The following DCLK2 variants were observed in gnomAD, a reference collection of about 807,000 sequenced individuals.
DCLK2 encodes the protein doublecortin like kinase 2.
A neutral mutation model predicts 78.4 loss-of-function variants in DCLK2; 31 were observed. The ratio of observed to expected loss-of-function variants is 0.40; its 90% CI spans 0.30 to 0.53. The LOEUF (loss-of-function observed/expected upper bound fraction) is 0.53, where lower values mean the gene tolerates loss of function less well. DCLK2 is among the 20% of genes least tolerant of loss of function. The pLI is 0.61. For missense variants in DCLK2, 872 were observed against 973.7 expected, an observed-to-expected ratio of 0.90 and a Z score of 1.39; for synonymous variants, 407 against 374.9, an observed-to-expected ratio of 1.09 and a Z score of -0.99.
chr4:150,084,216 G>C (rs1374985117), intron 1 of DCLK2, among the ~76,000 whole-genome samples: 1 of 152,224 alleles, frequency 6.6e-6, no homozygotes, highest in African/African-American at 2.4e-5. Flanking sequence ...AGAGAAGCCT[G>C]AGGTCAGGGA....
intron 1 of DCLK2, among the ~76,000 whole-genome samples, chr4:150,088,318 A>C (rs957815094): frequency 6.6e-6 from 1 of 152,110 alleles, no homozygotes; most frequent in Non-Finnish European, 1.5e-5. Flanking sequence ...GTTTCTACCT[A>C]AATTTTACAA....
At chr4:150,213,857 C>T (rs1331974881) in intron 5 of DCLK2, among the ~76,000 whole-genome samples, 1 of 152,132 alleles carries the variant, frequency 6.6e-6, no homozygotes, top group African/African-American at 2.4e-5. Context: ...TTCTCATAAA[C>T]TTAGAGGATA....
intron 2 of DCLK2, among the ~76,000 whole-genome samples, chr4:150,167,141 T>A (rs893284198): frequency 6.6e-6 from 1 of 152,110 alleles, no homozygotes; most frequent in African/African-American, 2.4e-5. Flanking sequence ...GCTTTCCTGA[T>A]TTTAAGAGGG....
At chr4:150,157,574 G>A (rs1030592119) in intron 2 of DCLK2, among the ~76,000 whole-genome samples, 11 of 151,468 alleles carry the variant, frequency 7.3e-5, no homozygotes, top group South Asian at 2.1e-4. Flanking sequence ...GTGCAGTGGT[G>A]TGATCTCGGC....
intron 5 of DCLK2, among the ~76,000 whole-genome samples, chr4:150,211,355 A>C (rs918733195): frequency 6.6e-6 from 1 of 152,054 alleles, no homozygotes. Context: ...GAAGCTGTCC[A>C]TTCTGTGACC....
intron 4 of DCLK2, among the ~76,000 whole-genome samples, chr4:150,199,869 G>A (rs537156459): frequency 1.1e-4 from 16 of 152,282 alleles, no homozygotes; most frequent in Non-Finnish European, 1.9e-4. Context: ...AGCTGGGCAC[G>A]GAGGTACCAC....
intron 1 of DCLK2, among the ~76,000 whole-genome samples, chr4:150,092,081 A>G (rs1239737415): frequency 6.6e-6 from 1 of 151,940 alleles, no homozygotes; most frequent in Non-Finnish European, 1.5e-5. Flanking sequence ...TCTGTGGCTT[A>G]TTTCATTTAA....
chr4:150,203,981 G>A (rs1739651686), intron 5 of DCLK2, 92 bp downstream of exon 5: 1 of 1,170,592 alleles, frequency 8.5e-7, no homozygotes, highest in African/African-American at 1.5e-5. Context: ...CTTGAGTACA[G>A]TAGCAAATTA....
In DCLK2 at chr4:150,084,918, C is replaced by T. The variant is rs145150465; in HGVS notation, c.421+5470C>T. Among the ~76,000 whole-genome samples the T allele has an allele frequency of 1.7e-4, 26 of 152,230 alleles. No individual in the cohort carries two copies. The East Asian group carries it at 2.5e-3, about 15-fold the overall frequency. ...TTCTACTCGTAAAGTAAACCATTAC[C>T]GTAAGGATTAGAGATGCTTTTCTTC... On this transcript the variant is annotated intron_variant, in intron 1 of 15. Coordinates refer to ENST00000296550, the MANE Select transcript of DCLK2 (RefSeq NM_001040260.4).
chr4:150,176,911 C>T (rs1343543989), intron 2 of DCLK2, among the ~76,000 whole-genome samples: 1 of 152,168 alleles, frequency 6.6e-6, no homozygotes, highest in African/African-American at 2.4e-5. Context: ...TGGTCCCAGT[C>T]CCAGTTTAAT....
chr4:150,252,938 G>A (rs370461128), intron 15 of DCLK2, among the ~76,000 whole-genome samples: 1 of 152,124 alleles, frequency 6.6e-6, no homozygotes, highest in African/African-American at 2.4e-5. Flanking sequence ...ATTCTCGATG[G>A]CCAAAACACC....
intron 10 of DCLK2, 72 bp downstream of exon 10, chr4:150,232,900 G>A (rs1560894086): frequency 1.9e-6 from 3 of 1,545,540 alleles, no homozygotes; most frequent in South Asian, 1.2e-5. Context: ...GCAAATAATG[G>A]CATTTTATAG....
intron 2 of DCLK2, among the ~76,000 whole-genome samples, chr4:150,122,298 C>T (rs890449195): frequency 8.5e-5 from 13 of 152,196 alleles, no homozygotes; most frequent in African/African-American, 3.1e-4. Flanking sequence ...TATAAAGACA[C>T]GTGCACACCT....
At chr4:150,231,512 A>G (rs1054184885) in intron 8 of DCLK2, among the ~76,000 whole-genome samples, 1 of 152,228 alleles carries the variant, frequency 6.6e-6, no homozygotes, top group Non-Finnish European at 1.5e-5. Context: ...GTAAAAATAC[A>G]TGTACACATG....
rs938325168 is a variant in DCLK2, at chr4:150,078,527, C to T, written c.-501C>T. 1.3e-5 allele frequency: 2 copies of T among 150,962 alleles called. No individual in the cohort carries two copies. Among genetic ancestry groups the T allele is most frequent in the African/African-American group, 4.8e-5 (2 of 41,252 alleles). 9.4% of individuals were successfully genotyped at this position (150,962 alleles called of 1,614,324 possible). On this transcript the variant is annotated 5_prime_UTR_variant, in exon 1 of 16. Transcript: ENST00000296550. ...GCGGCCGAGGCGGCGGCGCTGCACC[C>T]CGGGCCTGGGCCCGCGCGACTCCCC... is the stretch of plus-strand genomic sequence containing the variant.
chr4:150,142,024 A>G (rs1482133671), intron 2 of DCLK2, among the ~76,000 whole-genome samples: 1 of 152,224 alleles, frequency 6.6e-6, no homozygotes, highest in East Asian at 1.9e-4. Flanking sequence ...ATCATACTAT[A>G]TTAAATTAAA....
At chr4:150,132,834 C>T (rs1580564217) in intron 2 of DCLK2, among the ~76,000 whole-genome samples, 2 of 152,250 alleles carry the variant, frequency 1.3e-5, no homozygotes, top group East Asian at 3.9e-4. Context: ...CACTTTGTTG[C>T]CCAAGCCAGT....
rs375759457 is a variant in DCLK2, at chr4:150,138,019, G to A, written c.756+35207G>A. 3.5e-4 allele frequency among the ~76,000 whole-genome samples: 54 copies of A among 152,188 alleles called. No individual in the cohort carries two copies. The East Asian group carries it at 6.2e-3, about 17-fold the overall frequency. ...ATAGAGAAATTAGGTACTGTATCTC[G>A]TACTTTCATTAGGGCTATGTTCATG... is the stretch of plus-strand genomic sequence containing the variant. On this transcript the variant is annotated intron_variant, in intron 2 of 15. Transcript: ENST00000296550.
intron 4 of DCLK2, 86 bp downstream of exon 4, chr4:150,198,189 T>C: frequency 1.6e-6 from 2 of 1,232,680 alleles, no homozygotes; most frequent in Non-Finnish European, 2.2e-6. Flanking sequence ...ATTAGTAGTC[T>C]TTGCCAGGGT....
Sources: gnomAD v4.1 joint callset for allele counts (sites outside exome capture counted in the v4.1 genomes callset) on GRCh38, gnomAD v4.1.1 for gene constraint, MANE v1.5 for transcripts, NCBI Gene and HGNC (gene_info 2026-07-23, HGNC 2026-07-21) for gene names.